The following SIK3 variants were observed in gnomAD, a reference collection of about 807,000 sequenced individuals.
SIK3 encodes SIK family kinase 3.
Under a neutral mutation model 144.2 loss-of-function variants are expected in SIK3, and 28 were observed. That is an observed-to-expected ratio of 0.19 (90% CI 0.14 to 0.27). SIK3 has a LOEUF of 0.27. SIK3 is among the 10% of genes least tolerant of loss of function. The pLI is 1.00. For synonymous variants in SIK3, 686 were observed against 676.3 expected (o/e 1.01, Z -0.22); for missense variants, 1,319 against 1,776.0 (o/e 0.74, Z 4.62).
At chr11:116,895,875 T>C (rs563360684) in intron 6 of SIK3, among the ~76,000 whole-genome samples, 1 of 152,254 alleles carries the variant, frequency 6.6e-6, no homozygotes, top group African/African-American at 2.4e-5. Context: ...TGAAAAAGGG[T>C]AGGAAGACAG....
chr11:116,981,238 T>G (rs1161029978), intron 1 of SIK3, among the ~76,000 whole-genome samples: 1 of 152,236 alleles, frequency 6.6e-6, no homozygotes, highest in African/African-American at 2.4e-5. Flanking sequence ...GATAGAGAAC[T>G]GAAGGATCCA....
chr11:116,993,728 ACAGTAAAGAATGAGCGGAAAAAT>A (rs1361273658), intron 1 of SIK3, among the ~76,000 whole-genome samples: 1 of 152,216 alleles, frequency 6.6e-6, no homozygotes, highest in Non-Finnish European at 1.5e-5. Context: ...AGGAAACCAA[ACAGTAAAGAATGAGCGGAAAAAT>A]CATTAGCTGA....
intron 4 of SIK3, among the ~76,000 whole-genome samples, chr11:116,910,456 T>C (rs1306257741): frequency 1.3e-5 from 2 of 152,136 alleles, no homozygotes; most frequent in African/African-American, 4.8e-5. Flanking sequence ...AATCTTTAAG[T>C]TATTCAAATC....
chr11:117,058,923 A>C (rs1953674003), intron 1 of SIK3, among the ~76,000 whole-genome samples: 1 of 152,242 alleles, frequency 6.6e-6, no homozygotes, highest in Non-Finnish European at 1.5e-5. Context: ...ACAAAGATGC[A>C]GGAGAACTGC....
At chr11:117,022,307 C>A (rs1043818646) in intron 1 of SIK3, among the ~76,000 whole-genome samples, 1 of 152,008 alleles carries the variant, frequency 6.6e-6, no homozygotes, top group Non-Finnish European at 1.5e-5. Context: ...TATTTAATAT[C>A]TATGCATTTC....
At chr11:117,035,852 G>T in intron 1 of SIK3, 1 of 1,588,970 alleles carries the variant, frequency 6.3e-7, no homozygotes, top group Non-Finnish European at 8.5e-7. Flanking sequence ...TTTTCCTCCT[G>T]TAGGCTGGCA....
chr11:117,018,109 G>T (rs1250008753), intron 1 of SIK3, among the ~76,000 whole-genome samples: 8 of 152,014 alleles, frequency 5.3e-5, no homozygotes, highest in Non-Finnish European at 1.2e-4. Context: ...TAACAGCTTG[G>T]GGGGAAACCC....
chr11:116,860,499 A>G (rs1943263779), intron 19 of SIK3, among the ~76,000 whole-genome samples: 1 of 152,176 alleles, frequency 6.6e-6, no homozygotes, highest in African/African-American at 2.4e-5. Context: ...GTACACCCAC[A>G]AGAGAGGGGC....
chr11:117,016,595 T>A (rs967723072), intron 1 of SIK3, among the ~76,000 whole-genome samples: 1 of 152,018 alleles, frequency 6.6e-6, no homozygotes, highest in Non-Finnish European at 1.5e-5. Flanking sequence ...AGCAGGATAA[T>A]CTGACACCAG....
At chr11:117,035,640 G>C (rs1013737616) in intron 1 of SIK3, among the ~76,000 whole-genome samples, 4 of 152,128 alleles carry the variant, frequency 2.6e-5, no homozygotes, top group African/African-American at 9.7e-5. Context: ...CTGTAACCTT[G>C]AGCTCCTAGG....
chr11:116,858,085 G>T lies in SIK3; in HGVS notation c.3380C>A (p.Pro1127Gln), dbSNP rs768490309. The T allele has an allele frequency of 1.9e-6, 3 of 1,613,964 alleles. No homozygotes were observed. The highest frequency in any genetic ancestry group is 2.5e-6 in the Non-Finnish European group (3 of 1,179,916). The change falls in exon 21 of 25, where the codon CCG becomes CAG. Residue 1127 changes from proline to glutamine, a missense_variant. Physicochemically the swap from Pro to Gln is moderately conservative, Grantham distance 76. Transcript: ENST00000445177. This position sits in a 1 kb window ranked among gnomAD's most constrained non-coding sequence, Gnocchi z 5.4. ...CGGCTGGTGAGCATACCCGTGGGGC[G>T]GGGTGGGTGAGGAAGCCTGTGAGAC... ...ECVSQASSPT[P>Q]PHGYAHQPAL...
chr11:117,047,460 A>G (rs1953022279), intron 1 of SIK3, among the ~76,000 whole-genome samples: 1 of 152,186 alleles, frequency 6.6e-6, no homozygotes, highest in South Asian at 2.1e-4. Context: ...GACTAGCATT[A>G]TATCAGTGTT....
At chr11:117,067,542 G>A (rs1954076149) in intron 1 of SIK3, among the ~76,000 whole-genome samples, 1 of 152,154 alleles carries the variant, frequency 6.6e-6, no homozygotes, top group Non-Finnish European at 1.5e-5. Flanking sequence ...TGCAAACAGT[G>A]CTACTGTAAC....
chr11:117,032,603 C>T lies in SIK3; in HGVS notation c.273+65540G>A, dbSNP rs149051196. On this transcript the variant is annotated intron_variant, in intron 1 of 24. Transcript: ENST00000445177. Reference sequence around the variant, plus strand: ...CTCACTACAACCTCAAACTCCCGGGCTCAAGCAATCCTCCTAGCTCAGCCT... The same window carrying T: ...CTCACTACAACCTCAAACTCCCGGGTTCAAGCAATCCTCCTAGCTCAGCCT... Among the ~76,000 whole-genome samples the T allele has an allele frequency of 3.3e-3, 503 of 151,962 alleles. 5 individuals are homozygous for T. The highest frequency in any genetic ancestry group is 0.011 in the African/African-American group (465 of 41,432).
At chr11:116,893,419 A>G (rs902686271) in intron 6 of SIK3, among the ~76,000 whole-genome samples, 1 of 152,086 alleles carries the variant, frequency 6.6e-6, no homozygotes, top group South Asian at 2.1e-4. Context: ...GCTCACACCA[A>G]TAGTCCCAGC....
At chr11:117,001,153 C>T (rs111251339) in intron 1 of SIK3, among the ~76,000 whole-genome samples, 16 of 152,354 alleles carry the variant, frequency 1.1e-4, no homozygotes, top group Admixed American at 6.5e-4. Flanking sequence ...TGTCACTTGA[C>T]TGTATGACTA....
intron 1 of SIK3, among the ~76,000 whole-genome samples, chr11:117,017,366 A>G (rs1474484745): frequency 6.6e-6 from 1 of 152,184 alleles, no homozygotes; most frequent in East Asian, 1.9e-4. Flanking sequence ...AAAATGTTCT[A>G]TTTCTTGATC....
chr11:117,058,041 T>C (rs956463286), intron 1 of SIK3, among the ~76,000 whole-genome samples: 1 of 152,066 alleles, frequency 6.6e-6, no homozygotes, highest in African/African-American at 2.4e-5. Context: ...ATAAGCTAAG[T>C]CCTTAAGATA....
chr11:116,977,882 T>C (rs1950004006), intron 1 of SIK3, among the ~76,000 whole-genome samples: 1 of 152,214 alleles, frequency 6.6e-6, no homozygotes, highest in Admixed American at 6.6e-5. Context: ...ATATATTTAC[T>C]GTAAAACTTT....
Sources: allele counts gnomAD v4.1 joint callset (sites outside exome capture counted in the v4.1 genomes callset), GRCh38; gene constraint gnomAD v4.1.1; non-coding constraint Gnocchi (gnomAD v3.1); transcripts MANE v1.5; gene names NCBI Gene and HGNC (gene_info 2026-07-23, HGNC 2026-07-21).